EVI5: variants seen among roughly 807,000 people sequenced by gnomAD.
EVI5 encodes the protein ecotropic viral integration site 5 protein homolog.
A neutral mutation model predicts 112.0 loss-of-function variants in EVI5; 73 were observed. The ratio of observed to expected loss-of-function variants is 0.65; its 90% CI spans 0.54 to 0.79. The LOEUF (loss-of-function observed/expected upper bound fraction) is 0.79, where lower values mean the gene tolerates loss of function less well. Among genes scored for constraint, EVI5 ranks in the 30% least tolerant of loss-of-function variants. The pLI is 0.00. For synonymous variants in EVI5, 305 were observed against 319.9 expected, an observed-to-expected ratio of 0.95 and a Z score of 0.50; for missense variants, 900 against 968.8, an observed-to-expected ratio of 0.93 and a Z score of 0.94.
At chr1:92,626,482 A>T (rs773459832) in intron 14 of EVI5, among the ~76,000 whole-genome samples, 1 of 152,172 alleles carries the variant, frequency 6.6e-6, no homozygotes, top group Non-Finnish European at 1.5e-5. Context: ...GTTGCTATGA[A>T]CATTGGTGCA....
chr1:92,775,104 ACAT>A (rs1423489493), intron 1 of EVI5, among the ~76,000 whole-genome samples: 4 of 152,234 alleles, frequency 2.6e-5, no homozygotes, highest in Non-Finnish European at 5.9e-5. Flanking sequence ...CCGCATAAGA[ACAT>A]TTCAGTCAAT....
intron 18 of EVI5, among the ~76,000 whole-genome samples, chr1:92,588,535 AT>A (rs1388782988): frequency 4.6e-5 from 7 of 152,158 alleles, no homozygotes; most frequent in East Asian, 3.9e-4. Context: ...ACAGTCCTCC[AT>A]CCCTAATACC....
chr1:92,558,572 C>A (rs1668022876), intron 19 of EVI5, among the ~76,000 whole-genome samples: 1 of 152,220 alleles, frequency 6.6e-6, no homozygotes, highest in African/African-American at 2.4e-5. Flanking sequence ...TTCCATCCTT[C>A]TAAGCCATGT....
rs186496517 is a variant in EVI5 at position 92,515,960 on chromosome 1, G to A, written c.2167-1990C>T. Among the ~76,000 whole-genome samples the A allele has an allele frequency of 9.9e-4, 151 of 152,224 alleles. 1 individual carries two copies. The highest frequency in any genetic ancestry group is 3.6e-3 in the African/African-American group (148 of 41,516). On this transcript the variant is annotated intron_variant, in intron 19 of 19. Coordinates refer to ENST00000684568, the MANE Select transcript of EVI5 (RefSeq NM_001350197.2). ...GGACAAATTTATAGTGAGGTACAAC[G>A]TAATTTAAATAATACCATTCTCCTT... is the stretch of plus-strand genomic sequence containing the variant.
At chr1:92,523,035 C>A (rs4970709) in intron 19 of EVI5, among the ~76,000 whole-genome samples, 129,558 of 152,090 alleles carry the variant, frequency 0.85, 55,556 homozygotes, top group East Asian at 0.97. Context: ...GTGGGATTAC[C>A]GTCATGAGCC....
chr1:92,616,499 T>C (rs1017181630), intron 16 of EVI5, among the ~76,000 whole-genome samples: 1 of 150,882 alleles, frequency 6.6e-6, no homozygotes, highest in Non-Finnish European at 1.5e-5. Flanking sequence ...AGCTCTGGCA[T>C]TGGCTAATTA....
intron 13 of EVI5, among the ~76,000 whole-genome samples, chr1:92,640,180 T>C (rs1156406481): frequency 2.0e-5 from 3 of 152,080 alleles, no homozygotes; most frequent in Non-Finnish European, 4.4e-5. Context: ...ACCTAGGCAA[T>C]ACCATTCAGG....
intron 18 of EVI5, among the ~76,000 whole-genome samples, chr1:92,568,285 C>A (rs555523095): frequency 2.0e-5 from 3 of 146,642 alleles, no homozygotes; most frequent in Admixed American, 7.0e-5. Flanking sequence ...GTAAGGCGGG[C>A]GGATTGCTTG....
At chr1:92,567,613 C>T (rs1263700441) in intron 18 of EVI5, among the ~76,000 whole-genome samples, 2 of 152,140 alleles carry the variant, frequency 1.3e-5, no homozygotes, top group Admixed American at 1.3e-4. Context: ...TAGGCTATAC[C>T]ATATAGCCTA....
intron 1 of EVI5, among the ~76,000 whole-genome samples, chr1:92,750,951 C>T (rs982232998): frequency 5.3e-5 from 8 of 152,082 alleles, no homozygotes; most frequent in African/African-American, 1.9e-4. Context: ...GAGATCGAGA[C>T]CATCCTGGCT....
At chr1:92,537,121 A>C (rs1664038901) in intron 19 of EVI5, among the ~76,000 whole-genome samples, 1 of 152,162 alleles carries the variant, frequency 6.6e-6, no homozygotes, top group Admixed American at 6.5e-5. Context: ...ATCCACAACA[A>C]AGTGGAAAAA....
At chr1:92,671,801 C>T (rs1448517956) in intron 10 of EVI5, among the ~76,000 whole-genome samples, 1 of 123,394 alleles carries the variant, frequency 8.1e-6, no homozygotes, top group Non-Finnish European at 1.7e-5. Context: ...AAGCCACCAT[C>T]ATCTTTTTTT....
intron 19 of EVI5, among the ~76,000 whole-genome samples, chr1:92,556,726 A>G (rs6603988): frequency 0.85 from 129,671 of 152,226 alleles, 55,608 homozygotes; most frequent in East Asian, 0.97. Context: ...ACTTTTTGAT[A>G]TATATTTAAA....
chr1:92,631,056 A>AG (rs1656948066), intron 14 of EVI5, among the ~76,000 whole-genome samples: 1 of 152,320 alleles, frequency 6.6e-6, no homozygotes, highest in East Asian at 1.9e-4. Context: ...TTTTGGTACC[A>AG]GTACCATGCT....
chr1:92,722,313 T>A lies in EVI5; in HGVS notation c.149+14085A>T, dbSNP rs556611569. Among the ~76,000 whole-genome samples, 33 of 152,304 alleles carry A rather than the reference T, an allele frequency of 2.2e-4. No individual in the cohort carries two copies. In the East Asian group the frequency reaches 6.0e-3, roughly 28 times the overall value. On this transcript the variant is annotated intron_variant, in intron 2 of 19. Transcript: ENST00000684568. The stretch of plus-strand genomic sequence containing the variant: ...TATCCTTTGATCAATATCTTTTTTT[T>A]AAATTTTATTATTATTAGACTTTTA...
chr1:92,555,583 C>T (rs1180284303), intron 19 of EVI5, among the ~76,000 whole-genome samples: 3 of 152,122 alleles, frequency 2.0e-5, no homozygotes, highest in African/African-American at 7.2e-5. Flanking sequence ...GGCGTGGTGG[C>T]TCATGCTTGT....
intron 1 of EVI5, among the ~76,000 whole-genome samples, chr1:92,772,484 G>A (rs990726860): frequency 6.6e-6 from 1 of 151,812 alleles, no homozygotes; most frequent in East Asian, 2.0e-4. Flanking sequence ...TAATTTCTTG[G>A]GGAAAATTGT....
chr1:92,620,120 G>A (rs1291240675), intron 16 of EVI5, among the ~76,000 whole-genome samples: 9 of 152,106 alleles, frequency 5.9e-5, no homozygotes, highest in South Asian at 4.1e-4. Flanking sequence ...CGAGACGGGC[G>A]GATCACCTGA....
chr1:92,738,307 A>G (rs569957186), intron 1 of EVI5, among the ~76,000 whole-genome samples: 7 of 152,296 alleles, frequency 4.6e-5, no homozygotes, highest in African/African-American at 1.7e-4. Flanking sequence ...TCGCATCCCC[A>G]AAGCACACTC....
Sources: gnomAD v4.1 joint callset for allele counts (sites outside exome capture counted in the v4.1 genomes callset) on GRCh38, gnomAD v4.1.1 for gene constraint, MANE v1.5 for transcripts, NCBI Gene and HGNC (gene_info 2026-07-23, HGNC 2026-07-21) for gene names.